SS18L1: variants seen among roughly 807,000 people sequenced by gnomAD.
SS18L1 encodes the protein calcium-responsive transactivator.
A neutral mutation model predicts 70.3 loss-of-function variants in SS18L1; 32 were observed. The ratio of observed to expected loss-of-function variants is 0.46; its 90% CI spans 0.34 to 0.61. The LOEUF (loss-of-function observed/expected upper bound fraction) is 0.61. Among genes scored for constraint, SS18L1 ranks in the 20% least tolerant of loss-of-function variants. The pLI is 0.01. For synonymous variants in SS18L1, 237 were observed against 229.7 expected (o/e 1.03, Z -0.29); for missense variants, 430 against 542.1 (o/e 0.79, Z 2.05).
In SS18L1 at chr20:62,156,957, T is replaced by G. The variant is rs188486307; in HGVS notation, c.70-1715T>G. On this transcript the variant is annotated intron_variant, in intron 1 of 10. Coordinates refer to ENST00000331758, the MANE Select transcript of SS18L1 (RefSeq NM_198935.3). ...GCCTTTTTATGAAAAGCAGCAGGCGTGGTGGGCTCAGTTCTGTGCCTCCCT... is the reference window on the plus strand; with the variant it reads ...GCCTTTTTATGAAAAGCAGCAGGCGGGGTGGGCTCAGTTCTGTGCCTCCCT... Among the ~76,000 whole-genome samples the G allele has an allele frequency of 3.6e-3, 553 of 152,342 alleles. 4 individuals carry two copies. Among genetic ancestry groups the G allele is most frequent in the African/African-American group, 0.013 (528 of 41,582 alleles).
intron 1 of SS18L1, among the ~76,000 whole-genome samples, chr20:62,144,349 T>C (rs1318692679): frequency 6.6e-6 from 1 of 152,148 alleles, no homozygotes; most frequent in Non-Finnish European, 1.5e-5. Flanking sequence ...TTTTCTGCGC[T>C]CATTTTGGTT....
chr20:62,156,212 T>A (rs1243044120), intron 1 of SS18L1, among the ~76,000 whole-genome samples: 1 of 152,128 alleles, frequency 6.6e-6, no homozygotes, highest in Admixed American at 6.5e-5. Context: ...CTAGTTCGTG[T>A]CCCTGGAGAC....
At position 62,179,239 on chromosome 20, in the gene SS18L1, G is replaced by A. The variant is rs1324369856; in HGVS notation, c.*31G>A. ...ACACATTCTGGCTGGAGCCCTTGTG[G>A]TAGCGTGTTCATCCAGGGGCCGGAT... is the stretch of plus-strand genomic sequence containing the variant. On this transcript the variant is annotated 3_prime_UTR_variant, in exon 11 of 11. Coordinates refer to ENST00000331758, the MANE Select transcript of SS18L1 (RefSeq NM_198935.3). The A allele has an allele frequency of 3.7e-6, 6 of 1,614,088 alleles. No individual in the cohort carries two copies. The highest frequency in any genetic ancestry group is 5.1e-6 in the Non-Finnish European group (6 of 1,179,946).
At chr20:62,178,038 AAGAC>A (rs2057650126) in intron 10 of SS18L1, among the ~76,000 whole-genome samples, 1 of 65,884 alleles carries the variant, frequency 1.5e-5, no homozygotes, top group Non-Finnish European at 2.9e-5. Flanking sequence ...TTTTTTTTTT[AAGAC>A]AGGGTCTCAC....
intron 1 of SS18L1, among the ~76,000 whole-genome samples, chr20:62,148,186 C>T (rs1411479311): frequency 6.6e-6 from 1 of 152,268 alleles, no homozygotes; most frequent in African/African-American, 2.4e-5. Flanking sequence ...AGCCTGGGCT[C>T]AGCCCCGGGG....
In SS18L1 at chr20:62,181,035, T is replaced by C. The variant is rs1005757815; in HGVS notation, c.*1827T>C. 1.1e-4 allele frequency: 20 copies of C among 188,494 alleles called. No individual in the cohort carries two copies. Among genetic ancestry groups the C allele is most frequent in the Non-Finnish European group, 1.9e-4 (17 of 89,504 alleles). 11.7% of individuals were successfully genotyped at this position (188,494 alleles called of 1,614,324 possible). ...CCCTATGAGGAAATCTGGAGGCAGG[T>C]AACAGTTCCCATTTTAGAGATGAAG... is the stretch of plus-strand genomic sequence containing the variant. On this transcript the variant is annotated 3_prime_UTR_variant, in exon 11 of 11. Transcript: ENST00000331758.
chr20:62,167,087 C>T (rs182801855), intron 8 of SS18L1, among the ~76,000 whole-genome samples: 6 of 131,678 alleles, frequency 4.6e-5, no homozygotes, highest in South Asian at 2.7e-4. Context: ...ACTCTGTCGC[C>T]GAGGCTGGAG....
At chr20:62,178,468 T>A (rs1207103095) in intron 10 of SS18L1, among the ~76,000 whole-genome samples, 1 of 152,072 alleles carries the variant, frequency 6.6e-6, no homozygotes, top group Non-Finnish European at 1.5e-5. Flanking sequence ...TAATTTTTTC[T>A]CTTTTTTTGT....
At chr20:62,168,873 C>G (rs2057480199) in intron 8 of SS18L1, among the ~76,000 whole-genome samples, 1 of 152,180 alleles carries the variant, frequency 6.6e-6, no homozygotes, top group Non-Finnish European at 1.5e-5. Context: ...GTGGGACAGG[C>G]TGGTGCTGGA....
At chr20:62,154,090 C>T (rs926937185) in intron 1 of SS18L1, among the ~76,000 whole-genome samples, 5 of 152,184 alleles carry the variant, frequency 3.3e-5, no homozygotes, top group Non-Finnish European at 7.3e-5. Context: ...GAGGACATGA[C>T]GCCGTACAAA....
Position 62,172,738 on chromosome 20 carries a change from C to T in SS18L1, c.973C>T (p.Gln325Ter). Reference protein sequence around the residue: ...AGYQQGAAQQQTYSQQQYPSQ... With the variant: ...AGYQQGAAQQ ...GTACCAGCAGGGTGCCGCGCAGCAG[C>T]AGACGTACTCCCAGCAGCAGTACCC... Residue 325 changes from glutamine (Q) to a stop codon, truncating the protein, a stop_gained, in exon 9 of 11, where the codon CAG (glutamine) becomes TAG (stop). Coordinates refer to ENST00000331758, the MANE Select transcript of SS18L1 (RefSeq NM_198935.3). LOFTEE classifies it high-confidence loss of function. 1 of 1,614,106 alleles carries T rather than the reference C, an allele frequency of 6.2e-7. No homozygotes were observed. Among genetic ancestry groups the T allele is most frequent in the Non-Finnish European group, 8.5e-7 (1 of 1,180,034 alleles).
At chr20:62,150,388 G>T (rs1050914744) in intron 1 of SS18L1, among the ~76,000 whole-genome samples, 1 of 152,166 alleles carries the variant, frequency 6.6e-6, no homozygotes, top group African/African-American at 2.4e-5. Context: ...AGGTGCCATC[G>T]CTGGCTTAGC....
chr20:62,173,400 C>T (rs2057566744), intron 9 of SS18L1, among the ~76,000 whole-genome samples: 1 of 152,328 alleles, frequency 6.6e-6, no homozygotes, highest in Admixed American at 6.5e-5. Context: ...ACAGCCATTA[C>T]TAATTAAATA....
intron 4 of SS18L1, 103 bp from the exon 5 acceptor site, chr20:62,162,649 A>C: frequency 7.9e-7 from 1 of 1,264,574 alleles, no homozygotes; most frequent in Non-Finnish European, 1.1e-6. Flanking sequence ...GTTGATAGCA[A>C]CTCTTCCCAA....
chr20:62,175,939 C>A (rs2057613151), intron 10 of SS18L1, among the ~76,000 whole-genome samples: 1 of 152,196 alleles, frequency 6.6e-6, no homozygotes, highest in African/African-American at 2.4e-5. Flanking sequence ...CCACTGTAGC[C>A]GACGCAGGGG....
rs2057353840 is a variant in SS18L1 at position 62,162,832 on chromosome 20, A to G, written c.457A>G (p.Ser153Gly). ...TSMSISGPGY[S>G]HAGPASQGVP... ...CATGAGCATCTCTGGGCCCGGCTAC[A>G]GCCACGCGGGACCCGCCTCGCAGGG... The change falls in exon 5 of 11, where the codon AGC becomes GGC. Residue 153 changes from serine to glycine, a missense_variant. By Grantham distance (56) the Ser-to-Gly change is moderately conservative (BLOSUM62 0). Transcript: ENST00000331758. 2 of 1,612,846 alleles carry G rather than the reference A, an allele frequency of 1.2e-6. No homozygotes were observed. Among genetic ancestry groups the G allele is most frequent in the Non-Finnish European group, 1.7e-6 (2 of 1,179,938 alleles).
At chr20:62,150,413 C>G (rs761989851) in intron 1 of SS18L1, among the ~76,000 whole-genome samples, 1 of 152,176 alleles carries the variant, frequency 6.6e-6, no homozygotes, top group Non-Finnish European at 1.5e-5. Context: ...TGCTGATGCT[C>G]GACCAGCTCT....
Position 62,158,531 on chromosome 20 carries a change from TC to T in SS18L1, c.70-140del. 1 of 1,384,618 alleles carries T rather than the reference TC, an allele frequency of 7.2e-7. No individual in the cohort carries two copies. Among genetic ancestry groups the T allele is most frequent in the East Asian group, 2.5e-5 (1 of 39,794 alleles). The allele number at this position is 1,384,618 out of a possible 1,614,324, so 85.8% of individuals were successfully genotyped here. A position where few individuals can be genotyped will look rare whatever the true frequency, so the allele number is the denominator to read the frequency against. ...TGGGTCTAATACAGATATCCCCAAATCTGGAAAAATCTGAAATCTGACACGT... is the reference window on the plus strand; with the variant it reads ...TGGGTCTAATACAGATATCCCCAAATTGGAAAAATCTGAAATCTGACACGT... On this transcript the variant is annotated intron_variant, in intron 1 of 10. Coordinates refer to ENST00000331758, the MANE Select transcript of SS18L1 (RefSeq NM_198935.3). The surrounding 1 kb of genome is among the most constrained non-coding windows in gnomAD (Gnocchi z 4.5).
rs553286131 is a variant in SS18L1 at position 62,159,433 on chromosome 20, A to T, written c.147-444A>T. On this transcript the variant is annotated intron_variant, in intron 2 of 10. Transcript: ENST00000331758. This position sits in a 1 kb window ranked among gnomAD's most constrained non-coding sequence, Gnocchi z 4.4. ...GTATACGAGGGGCCTTCCCTGGCAG[A>T]ACTGTGCTTCCCCATTTCTTTCCAG... Among the ~76,000 whole-genome samples, 2 of 152,024 alleles carry T rather than the reference A, an allele frequency of 1.3e-5. No homozygotes were observed. The highest frequency in any genetic ancestry group is 4.1e-4 in the South Asian group (2 of 4,824).
Sources: allele counts gnomAD v4.1 joint callset (sites outside exome capture counted in the v4.1 genomes callset), GRCh38; gene constraint gnomAD v4.1.1; non-coding constraint Gnocchi (gnomAD v3.1); transcripts MANE v1.5; gene names NCBI Gene and HGNC (gene_info 2026-07-23, HGNC 2026-07-21).